The following PIGB variants were observed in gnomAD, a reference collection of about 807,000 sequenced individuals.
The protein encoded by PIGB is GPI alpha-1,2-mannosyltransferase 3.
Under a neutral mutation model 68.4 loss-of-function variants are expected in PIGB, and 58 were observed. The ratio of observed to expected loss-of-function variants is 0.85; its 90% CI spans 0.69 to 1.06. The LOEUF (loss-of-function observed/expected upper bound fraction) is 1.06. PIGB is among the 50% of genes least tolerant of loss of function. The pLI, the probability that PIGB is intolerant of heterozygous loss-of-function variation, is 0.00. For missense variants in PIGB, 634 were observed against 655.8 expected (o/e 0.97, Z 0.36); for synonymous variants, 219 against 220.5 (o/e 0.99, Z 0.06).
chr15:55,331,825 T>C (rs947119803), intron 5 of PIGB, among the ~76,000 whole-genome samples: 1 of 152,104 alleles, frequency 6.6e-6, no homozygotes, highest in African/African-American at 2.4e-5. Flanking sequence ...ATTACAGGCA[T>C]GAGCCACCAA....
At chr15:55,320,080 A>C (rs2055128225) in intron 1 of PIGB, 195 bp from the exon 2 acceptor site, 1 of 427,390 alleles carries the variant, frequency 2.3e-6, no homozygotes, top group Non-Finnish European at 4.2e-6. Context: ...GGTTAAACTA[A>C]AAGAGTGGCA....
chr15:55,321,614 G>A (rs375974551), intron 3 of PIGB, among the ~76,000 whole-genome samples: 2 of 124,866 alleles, frequency 1.6e-5, no homozygotes, highest in African/African-American at 5.8e-5. Context: ...ACTATATTAT[G>A]TATTATTTGG....
chr15:55,338,242 T>A (rs1346354852), intron 6 of PIGB, among the ~76,000 whole-genome samples: 1 of 152,218 alleles, frequency 6.6e-6, no homozygotes, highest in African/African-American at 2.4e-5. Context: ...GCTATTTATG[T>A]CTTTGTATAA....
intron 10 of PIGB, 188 bp from the exon 11 acceptor site, chr15:55,354,610 A>C: frequency 1.8e-6 from 1 of 550,618 alleles, no homozygotes; most frequent in East Asian, 3.2e-5. Flanking sequence ...CTGCATAGGT[A>C]CATGGTATAA....
intron 6 of PIGB, among the ~76,000 whole-genome samples, chr15:55,334,756 G>C: frequency 6.6e-6 from 1 of 152,208 alleles, no homozygotes; most frequent in Non-Finnish European, 1.5e-5. Flanking sequence ...GTCTCACTCT[G>C]TCACCTAGGC....
At chr15:55,340,388 G>A (rs1449242511) in intron 7 of PIGB, 13 of 241,898 alleles carry the variant, frequency 5.4e-5, no homozygotes, top group East Asian at 1.1e-4. Context: ...CCCGCGAGGC[G>A]GAGCTTGCAG....
At chr15:55,319,877 G>A in intron 1 of PIGB, 1 of 181,696 alleles carries the variant, frequency 5.5e-6, no homozygotes. Context: ...CAATATATAT[G>A]TACAGAGGAC....
chr15:55,350,608 TG>T (rs1273388148), intron 9 of PIGB, 90 bp from the exon 10 acceptor site: 1 of 787,632 alleles, frequency 1.3e-6, no homozygotes, highest in Non-Finnish European at 2.2e-6. Flanking sequence ...TTACAGTTTT[TG>T]CTATTTCCAT....
intron 9 of PIGB, chr15:55,349,575 T>G (rs1443476265): frequency 2.6e-5 from 4 of 152,180 alleles, no homozygotes; most frequent in African/African-American, 9.7e-5. Flanking sequence ...ACCACACCAC[T>G]TTTCAGATTA....
At chr15:55,352,708 G>A (rs1183538880) in intron 10 of PIGB, among the ~76,000 whole-genome samples, 1 of 152,196 alleles carries the variant, frequency 6.6e-6, no homozygotes, top group East Asian at 1.9e-4. Context: ...AGTGAGCTGA[G>A]GTCATACCAT....
intron 6 of PIGB, 35 bp from the exon 7 acceptor site, chr15:55,339,212 AGTGGATTTTCAGCAAGCTCC>A: frequency 7.8e-7 from 1 of 1,280,046 alleles, no homozygotes; most frequent in Non-Finnish European, 1.1e-6. Flanking sequence ...ATATGCTAAT[AGTGGATTTTCAGCAAGCTCC>A]AAATGTGAAT....
intron 7 of PIGB, 54 bp from the exon 8 acceptor site, chr15:55,340,558 G>C: frequency 8.4e-7 from 1 of 1,187,572 alleles, no homozygotes; most frequent in Non-Finnish European, 1.2e-6. Flanking sequence ...TAATGCCAAA[G>C]ATTACTACTT....
At chr15:55,335,015 A>T (rs1222062016) in intron 6 of PIGB, among the ~76,000 whole-genome samples, 1 of 152,198 alleles carries the variant, frequency 6.6e-6, no homozygotes, top group African/African-American at 2.4e-5. Context: ...CACCATGCCC[A>T]GCCTGTTTAG....
chr15:55,353,559 T>C (rs1048790456), intron 10 of PIGB, among the ~76,000 whole-genome samples: 9 of 152,218 alleles, frequency 5.9e-5, no homozygotes, highest in African/African-American at 1.4e-4. Context: ...CTGGCTTAAA[T>C]TGTCATAACT....
intron 11 of PIGB, 115 bp from the exon 12 acceptor site, chr15:55,355,171 C>A (rs916315006): frequency 6.2e-6 from 6 of 963,446 alleles, no homozygotes; most frequent in South Asian, 1.7e-5. Context: ...TAAGTTAATT[C>A]TTTTATTAAG....
intron 10 of PIGB, 40 bp downstream of exon 10, chr15:55,350,952 A>T (rs1566960261): frequency 4.0e-6 from 4 of 999,356 alleles, no homozygotes; most frequent in Non-Finnish European, 4.5e-6. Flanking sequence ...TAAGAAACTG[A>T]AACTGACTAC....
Position 55,355,461 on chromosome 15 carries a change from GTGGAAATATTC to G in PIGB, c.*30_*40del. ...TTCCTAGATAAATTAACATTGCTGG[GTGGAAATATTC>G]AGATGCTGCTTAAATACTTCGGTAA... On this transcript the variant is annotated 3_prime_UTR_variant, in exon 12 of 12. Coordinates refer to ENST00000164305, the MANE Select transcript of PIGB (RefSeq NM_004855.5). 1 of 1,577,090 alleles carries G rather than the reference GTGGAAATATTC, an allele frequency of 6.3e-7. No homozygotes were observed. The highest frequency in any genetic ancestry group is 8.7e-7 in the Non-Finnish European group (1 of 1,155,592).
chr15:55,346,494 C>T (rs951817445), intron 9 of PIGB: 3 of 152,028 alleles, frequency 2.0e-5, no homozygotes, highest in Middle Eastern at 3.2e-3. Flanking sequence ...TTCTGTATAC[C>T]GACTTTCAAG....
At chr15:55,320,178 C>A in intron 1 of PIGB, 97 bp from the exon 2 acceptor site, 1 of 1,157,428 alleles carries the variant, frequency 8.6e-7, no homozygotes, top group Non-Finnish European at 1.2e-6. Context: ...CACTACTGTG[C>A]CTTACAAGGA....
Sources: gnomAD v4.1 joint callset for allele counts (sites outside exome capture counted in the v4.1 genomes callset) on GRCh38, gnomAD v4.1.1 for gene constraint, MANE v1.5 for transcripts, NCBI Gene and HGNC (gene_info 2026-07-23, HGNC 2026-07-21) for gene names.